The following RAPGEF6 variants were observed in gnomAD, a reference collection of about 807,000 sequenced individuals.
RAPGEF6 encodes the protein Rap guanine nucleotide exchange factor 6, also known as PDZ domain containing guanine nucleotide exchange factor (GEF) 2.
RAPGEF6 carries 56 observed loss-of-function variants against 171.4 expected under a neutral mutation model. The observed-to-expected ratio is 0.33, with a 90% CI of 0.26 to 0.41. RAPGEF6 has a LOEUF of 0.41. Ranked by LOEUF, RAPGEF6 falls within the 10% of genes least tolerant of loss-of-function variation. The probability of loss-of-function intolerance (pLI) is 1.00; values close to 1 mark genes in which losing one functional copy is unlikely to be tolerated. For missense variants in RAPGEF6, 1,674 were observed against 1,921.4 expected (o/e 0.87, Z 2.41); for synonymous variants, 692 against 650.1 (o/e 1.06, Z -0.98).
At chr5:131,551,934 T>TA (rs1476199156) in intron 5 of RAPGEF6, among the ~76,000 whole-genome samples, 2 of 151,548 alleles carry the variant, frequency 1.3e-5, no homozygotes, top group South Asian at 2.1e-4. Context: ...ATGTAAGATT[T>TA]AAAAAAAATA....
At chr5:131,626,049 C>T (rs897075932) in intron 1 of RAPGEF6, among the ~76,000 whole-genome samples, 3 of 152,134 alleles carry the variant, frequency 2.0e-5, no homozygotes, top group African/African-American at 7.2e-5. Flanking sequence ...AACCCTGCAA[C>T]GGTTCTTTCT....
chr5:131,570,079 TGA>T (rs1762187718), intron 4 of RAPGEF6, among the ~76,000 whole-genome samples: 1 of 125,874 alleles, frequency 7.9e-6, no homozygotes, highest in Admixed American at 8.4e-5. Flanking sequence ...AGCCAGAGAC[TGA>T]GAGAAATTAT....
intron 16 of RAPGEF6, among the ~76,000 whole-genome samples, chr5:131,477,048 T>C (rs973767457): frequency 6.6e-6 from 1 of 152,202 alleles, no homozygotes; most frequent in Admixed American, 6.5e-5. Context: ...TATTTTTCCA[T>C]TGAAGTTTTA....
intron 26 of RAPGEF6, 90 bp downstream of exon 26, chr5:131,430,769 G>C (rs1236753463): frequency 6.6e-7 from 1 of 1,507,280 alleles, no homozygotes; most frequent in Non-Finnish European, 9.1e-7. Flanking sequence ...ATGAATTTTT[G>C]CGACGATAAA....
At position 131,432,955 on chromosome 5, in the gene RAPGEF6, A is replaced by G. The variant is rs1751798931; in HGVS notation, c.3974+475T>C. Among the ~76,000 whole-genome samples, 3 of 152,294 alleles carry G rather than the reference A, an allele frequency of 2.0e-5. No homozygotes were observed. In the South Asian group the frequency reaches 6.2e-4, roughly 32 times the overall value. ...GTTGCTTGATTCTAAATAGAAATTT[A>G]GAGTTGATTTTTTTTTTTAATTAAC... is the stretch of plus-strand genomic sequence containing the variant. On this transcript the variant is annotated intron_variant, in intron 25 of 27. Transcript: ENST00000509018.
intron 8 of RAPGEF6, 32 bp from the exon 9 acceptor site, chr5:131,508,239 C>A (rs1450125711): frequency 1.3e-6 from 2 of 1,577,720 alleles, no homozygotes; most frequent in Non-Finnish European, 8.6e-7. Flanking sequence ...GGTATAAAGA[C>A]CATCGAGGAC....
At chr5:131,521,011 T>C (rs1316002927) in intron 7 of RAPGEF6, among the ~76,000 whole-genome samples, 16 of 152,236 alleles carry the variant, frequency 1.1e-4, no homozygotes, top group Non-Finnish European at 2.9e-5. Context: ...TCTAATTTTC[T>C]TCATGACTTC....
intron 24 of RAPGEF6, among the ~76,000 whole-genome samples, chr5:131,434,723 G>C (rs2149807929): frequency 6.6e-6 from 1 of 152,340 alleles, no homozygotes; most frequent in Admixed American, 6.5e-5. Flanking sequence ...GACAACTAGA[G>C]AGATGTTCTT....
intron 1 of RAPGEF6, among the ~76,000 whole-genome samples, chr5:131,630,573 A>G (rs1262995760): frequency 6.6e-6 from 1 of 152,232 alleles, no homozygotes; most frequent in Non-Finnish European, 1.5e-5. Context: ...AGAAAGAACT[A>G]GCTCAGGAAA....
At chr5:131,541,275 AAG>A (rs1400288472) in intron 6 of RAPGEF6, among the ~76,000 whole-genome samples, 2 of 152,340 alleles carry the variant, frequency 1.3e-5, no homozygotes, top group East Asian at 3.9e-4. Flanking sequence ...ACTTTGTCAG[AAG>A]AGCATGACAG....
rs1300266989 is a variant in RAPGEF6, at chr5:131,570,252, T to G, written c.282-8205A>C. Among the ~76,000 whole-genome samples, 3 of 152,110 alleles carry G rather than the reference T, an allele frequency of 2.0e-5. No individual in the cohort carries two copies. The East Asian group carries it at 5.8e-4, about 29-fold the overall frequency. On this transcript the variant is annotated intron_variant, in intron 4 of 27. Transcript: ENST00000509018. ...TAAGCACATAAAAAGACCCCCTACA[T>G]CACTCATCACTACTGAACTACAAAT...
chr5:131,495,303 CAAAT>C (rs1334760896), intron 13 of RAPGEF6, among the ~76,000 whole-genome samples: 1 of 101,590 alleles, frequency 9.8e-6, no homozygotes, highest in Non-Finnish European at 1.9e-5. Context: ...AAAAAAAAAA[CAAAT>C]AAATACAATA....
chr5:131,470,789 C>T (rs1030748581), intron 17 of RAPGEF6, among the ~76,000 whole-genome samples: 1 of 152,118 alleles, frequency 6.6e-6, no homozygotes, highest in Non-Finnish European at 1.5e-5. Context: ...TGGAGTTCAG[C>T]ACTGACAAAT....
intron 18 of RAPGEF6, 86 bp downstream of exon 18, chr5:131,463,955 A>G (rs1754134001): frequency 6.7e-7 from 1 of 1,491,334 alleles, no homozygotes; most frequent in African/African-American, 1.4e-5. Flanking sequence ...AAACATGATA[A>G]TGTTTCTACT....
chr5:131,446,347 A>C (rs752600335), intron 22 of RAPGEF6, 136 bp downstream of exon 22: 15 of 777,830 alleles, frequency 1.9e-5, no homozygotes, highest in Non-Finnish European at 2.8e-5. Context: ...TAATTGGATC[A>C]CATGATGCTT....
At chr5:131,571,731 C>T (rs186707837) in intron 4 of RAPGEF6, among the ~76,000 whole-genome samples, 99 of 152,176 alleles carry the variant, frequency 6.5e-4, no homozygotes, top group Middle Eastern at 3.4e-3. Flanking sequence ...AGAAATCATA[C>T]GGAACTGCAA....
At chr5:131,527,422 G>A (rs1055910138) in intron 6 of RAPGEF6, among the ~76,000 whole-genome samples, 6 of 152,168 alleles carry the variant, frequency 3.9e-5, no homozygotes, top group Non-Finnish European at 8.8e-5. Flanking sequence ...ACAAAATGCA[G>A]GAAAAATTAT....
intron 3 of RAPGEF6, among the ~76,000 whole-genome samples, chr5:131,600,393 G>A (rs959703553): frequency 2.6e-5 from 4 of 152,160 alleles, no homozygotes; most frequent in Admixed American, 6.5e-5. Context: ...GTGGTGGCAC[G>A]CGCCTGTAGT....
At chr5:131,456,705 T>C (rs1753535780) in intron 19 of RAPGEF6, among the ~76,000 whole-genome samples, 1 of 152,226 alleles carries the variant, frequency 6.6e-6, no homozygotes, top group Non-Finnish European at 1.5e-5. Context: ...TCAATTTTCT[T>C]ATCAGCAAAT....
Sources: gnomAD v4.1 joint callset for allele counts (sites outside exome capture counted in the v4.1 genomes callset) on GRCh38, gnomAD v4.1.1 for gene constraint, MANE v1.5 for transcripts, NCBI Gene and HGNC (gene_info 2026-07-23, HGNC 2026-07-21) for gene names.